ANKRD54: variants seen among roughly 807,000 people sequenced by gnomAD.
The protein encoded by ANKRD54 is ankyrin repeat domain-containing protein 54.
A neutral mutation model predicts 36.2 loss-of-function variants in ANKRD54; 26 were observed. That is an observed-to-expected ratio of 0.72 (90% CI 0.53 to 1.00). The LOEUF is 1.00. ANKRD54 is among the 50% of genes least tolerant of loss of function. The pLI is 0.00. For missense variants in ANKRD54, 384 were observed against 424.3 expected (o/e 0.91, Z 0.83); for synonymous variants, 209 against 188.4 (o/e 1.11, Z -0.89).
chr22:37,846,817 C>T (rs1924863298), upstream of ANKRD54, among the ~76,000 whole-genome samples: 1 of 152,066 alleles, frequency 6.6e-6, no homozygotes, highest in African/African-American at 2.4e-5. Flanking sequence ...TATCAAATTC[C>T]TGTCATATAT....
chr22:37,849,313 T>C, upstream of ANKRD54: 1 of 1,043,542 alleles, frequency 9.6e-7, no homozygotes, highest in Non-Finnish European at 1.5e-6. Context: ...TGGATATGGC[T>C]GTCTCAGATG....
upstream of ANKRD54, among the ~76,000 whole-genome samples, chr22:37,844,998 T>C (rs891986201): frequency 1.5e-5 from 2 of 137,786 alleles, no homozygotes; most frequent in Non-Finnish European, 3.0e-5. Flanking sequence ...CATGTAGATA[T>C]AGATGTTGTA....
At position 37,831,547 on chromosome 22, in the gene ANKRD54, C is replaced by T. The variant is rs888771836; in HGVS notation, c.*396G>A. On this transcript the variant is annotated 3_prime_UTR_variant, in exon 8 of 8. Transcript: ENST00000215941. Reference sequence around the variant, plus strand: ...GCCACAGGGTGCCCGCCTAAGCCCACACCTGCTGACTGCAACAAGCCCATG... The same window carrying T: ...GCCACAGGGTGCCCGCCTAAGCCCATACCTGCTGACTGCAACAAGCCCATG... 3.5e-5 allele frequency: 7 copies of T among 199,944 alleles called. No homozygotes were observed. Among genetic ancestry groups the T allele is most frequent in the Non-Finnish European group, 7.3e-5 (7 of 96,524 alleles). 12.4% of individuals were successfully genotyped at this position (199,944 alleles called of 1,614,324 possible).
chr22:37,833,352 G>A (rs1923138723), intron 4 of ANKRD54, 146 bp from the exon 5 acceptor site: 2 of 993,480 alleles, frequency 2.0e-6, no homozygotes, highest in Non-Finnish European at 3.0e-6. Context: ...CAGCTAGGTA[G>A]GACTCAGAAG....
At chr22:37,834,542 C>G (rs185143579) in intron 3 of ANKRD54, 9 of 150,618 alleles carry the variant, frequency 6.0e-5, no homozygotes, top group African/African-American at 2.2e-4. Flanking sequence ...ACTAAAAACA[C>G]AAAAATTAGC....
At position 37,844,069 on chromosome 22, in the gene ANKRD54, G is replaced by A. The variant is rs1181612999; in HGVS notation, c.170C>T (p.Ala57Val). The change falls in exon 1 of 8, where the codon GCG (alanine) becomes GTG (valine). Residue 57 changes from alanine (A) to valine (V), a missense_variant. By Grantham distance (64) the Ala-to-Val change is moderately conservative (BLOSUM62 0). Around this residue, in one of 3 missense-constraint regions of ANKRD54, gnomAD observed 195 missense variants for 177.7 expected, o/e 1.10. Transcript: ENST00000215941. ...GGGGAGLSGR[A>V]SGGAQSPLRY... ...CAGCGGCGACTGGGCCCCGCCGGAC[G>A]CCCGGCCCGAGAGGCCCGCGCCGCC... is the stretch of plus-strand genomic sequence containing the variant. 1 of 1,437,264 alleles carries A rather than the reference G, an allele frequency of 7.0e-7. No individual in the cohort carries two copies. Among genetic ancestry groups the A allele is most frequent in the Non-Finnish European group, 9.1e-7 (1 of 1,103,210 alleles). The allele number at this position is 1,437,264 out of a possible 1,614,324, so 89.0% of individuals were successfully genotyped here.
At chr22:37,833,295 A>C in intron 4 of ANKRD54, 89 bp from the exon 5 acceptor site, 1 of 1,528,414 alleles carries the variant, frequency 6.5e-7, no homozygotes, top group Admixed American at 1.9e-5. Flanking sequence ...TGTGTCTCCC[A>C]GACGCCTGTG....
upstream of ANKRD54, chr22:37,844,503 A>C: frequency 4.9e-6 from 2 of 410,982 alleles, no homozygotes; most frequent in Non-Finnish European, 8.7e-6. Flanking sequence ...CGGCAACGTG[A>C]CTGACAGACA....
intron 1 of ANKRD54, 138 bp downstream of exon 1, chr22:37,843,773 G>C (rs1924579417): frequency 2.2e-6 from 1 of 460,428 alleles, no homozygotes; most frequent in Non-Finnish European, 3.3e-6. Flanking sequence ...TCAAGGGTCA[G>C]TGTGGCCCTC....
chr22:37,837,970 A>G (rs1923754438), intron 3 of ANKRD54, among the ~76,000 whole-genome samples: 1 of 152,134 alleles, frequency 6.6e-6, no homozygotes, highest in Non-Finnish European at 1.5e-5. Context: ...CGTCTCTACT[A>G]AAAACATATA....
intron 3 of ANKRD54, among the ~76,000 whole-genome samples, chr22:37,836,080 C>T (rs561168450): frequency 4.0e-5 from 6 of 151,580 alleles, no homozygotes; most frequent in African/African-American, 1.2e-4. Flanking sequence ...ATGATCCACC[C>T]GCCTCGGCCT....
In ANKRD54 at chr22:37,844,218, G is replaced by A. The variant is rs934645896; in HGVS notation, c.21C>T (p.Asp7=). The change falls in exon 1 of 8, where the codon GAC becomes GAT. Residue 7 remains aspartate (D), a synonymous_variant. Transcript: ENST00000215941. ...GGCCTGAGCGCGGCTCGTCGTCCGC[G>A]TCCCCGGCGGCGGCTGCCATGGCAA... The part of the protein sequence containing the change: MAAAAG[D]ADDEPRSGHS... 7.2e-6 allele frequency: 11 copies of A among 1,530,432 alleles called. No homozygotes were observed. Among genetic ancestry groups the A allele is most frequent in the Non-Finnish European group, 9.6e-6 (11 of 1,148,882 alleles). The allele number at this position is 1,530,432 out of a possible 1,614,324, so 94.8% of individuals were successfully genotyped here.
intron 3 of ANKRD54, chr22:37,834,173 G>A (rs1923241008): frequency 5.6e-6 from 1 of 177,942 alleles, no homozygotes; most frequent in African/African-American, 2.3e-5. Flanking sequence ...CCTCAGGGGT[G>A]TGCTGTATTA....
At chr22:37,835,793 G>C (rs1438159890) in intron 3 of ANKRD54, among the ~76,000 whole-genome samples, 1 of 152,166 alleles carries the variant, frequency 6.6e-6, no homozygotes, top group Non-Finnish European at 1.5e-5. Flanking sequence ...ATGACAGAGT[G>C]AGACTTTGTC....
At chr22:37,836,044 C>T (rs1448140346) in intron 3 of ANKRD54, among the ~76,000 whole-genome samples, 1 of 151,774 alleles carries the variant, frequency 6.6e-6, no homozygotes, top group African/African-American at 2.4e-5. Flanking sequence ...CCGTGTTAGC[C>T]AGGATGGTCT....
intron 2 of ANKRD54, 45 bp downstream of exon 2, chr22:37,840,142 A>C (rs531171205): frequency 7.4e-6 from 12 of 1,612,394 alleles, no homozygotes; most frequent in African/African-American, 4.0e-5. Context: ...TCCTTCCCCA[A>C]CCAGCCCATG....
Position 37,831,850 on chromosome 22 carries a change from A to G in ANKRD54, c.*93T>C. 2 of 1,349,392 alleles carry G rather than the reference A, an allele frequency of 1.5e-6. No homozygotes were observed. The highest frequency in any genetic ancestry group is 2.6e-5 in the South Asian group (2 of 77,992). The allele number at this position is 1,349,392 out of a possible 1,614,324, so 83.6% of individuals were successfully genotyped here. A position where few individuals can be genotyped will look rare whatever the true frequency, so the allele number is the denominator to read the frequency against. ...GGCAAGGTCCTCACCAGACAAGTGCAGCTCCAAGTCCCAGATGTTGGGCTT... is the reference window on the plus strand; with the variant it reads ...GGCAAGGTCCTCACCAGACAAGTGCGGCTCCAAGTCCCAGATGTTGGGCTT... On this transcript the variant is annotated 3_prime_UTR_variant, in exon 8 of 8. Transcript: ENST00000215941.
At chr22:37,844,344 G>C (rs777551623), upstream of ANKRD54, 4 of 1,319,550 alleles carry the variant, frequency 3.0e-6, no homozygotes, top group Non-Finnish European at 3.0e-6. Flanking sequence ...TGGCGGGCGG[G>C]CAGGGCCCGC....
intron 7 of ANKRD54, among the ~76,000 whole-genome samples, chr22:37,832,326 C>A (rs1309749977): frequency 6.6e-6 from 1 of 152,124 alleles, no homozygotes; most frequent in African/African-American, 2.4e-5. Flanking sequence ...TGAGACAGGG[C>A]CTTGCTCTGG....
Sources: gnomAD v4.1 joint callset for allele counts (sites outside exome capture counted in the v4.1 genomes callset) on GRCh38, gnomAD v4.1.1 for gene constraint, gnomAD v4.1.1 regional missense constraint, MANE v1.5 for transcripts, NCBI Gene and HGNC (gene_info 2026-07-23, HGNC 2026-07-21) for gene names.